KIAA1671: variants seen among roughly 807,000 people sequenced by gnomAD.
KIAA1671 encodes the protein KIAA1671.
A neutral mutation model predicts 131.2 loss-of-function variants in KIAA1671; 52 were observed. The observed-to-expected ratio is 0.40, with a 90% CI of 0.32 to 0.50. KIAA1671 has a LOEUF of 0.50. Ranked by LOEUF, KIAA1671 falls within the 20% of genes least tolerant of loss-of-function variation. The pLI is 0.73. For missense variants in KIAA1671, 2,360 were observed against 2,364.2 expected (o/e 1.00, Z 0.04); for synonymous variants, 1,003 against 961.6 (o/e 1.04, Z -0.80).
At chr22:25,097,300 T>A (rs1409699587) in intron 6 of KIAA1671, among the ~76,000 whole-genome samples, 3 of 152,128 alleles carry the variant, frequency 2.0e-5, no homozygotes, top group Admixed American at 6.5e-5. Flanking sequence ...TGTTGTTTCA[T>A]CAGTAGAGAT....
At chr22:25,094,063 G>C (rs1930283368) in intron 6 of KIAA1671, among the ~76,000 whole-genome samples, 1 of 152,008 alleles carries the variant, frequency 6.6e-6, no homozygotes, top group East Asian at 1.9e-4. Flanking sequence ...AAACACGAAG[G>C]CTGCTCCCAA....
rs890428987 is a variant in KIAA1671 at position 25,029,517 on chromosome 22, G to A, written c.1518G>A (p.Pro506=). ...GGAGGAGGACGTTCCAGGCTCGGCC[G>A]CTGTCGGCGGATTTGACCAAATTGT... is the stretch of plus-strand genomic sequence containing the variant. The part of the protein sequence containing the change: ...EVRRRTFQAR[P]LSADLTKLFS... The change falls in exon 3 of 13, where the codon CCG becomes CCA. Residue 506 remains proline (P), a synonymous_variant. Transcript: ENST00000358431. 7.2e-5 allele frequency: 111 copies of A among 1,544,810 alleles called. No individual in the cohort carries two copies. Among genetic ancestry groups the A allele is most frequent in the Non-Finnish European group, 9.0e-5 (103 of 1,143,692 alleles).
At chr22:25,003,746 G>A (rs1003832715) in intron 1 of KIAA1671, among the ~76,000 whole-genome samples, 2 of 151,430 alleles carry the variant, frequency 1.3e-5, no homozygotes, top group South Asian at 2.1e-4. Context: ...ATTTTCACAT[G>A]TGTTTCTCTA....
chr22:25,086,255 G>A (rs1035794630), intron 6 of KIAA1671, among the ~76,000 whole-genome samples: 1 of 152,190 alleles, frequency 6.6e-6, no homozygotes, highest in Admixed American at 6.5e-5. Flanking sequence ...CCTAGCTTAA[G>A]GTCTTGCACA....
intron 1 of KIAA1671, among the ~76,000 whole-genome samples, chr22:24,957,902 TCTCGAC>T (rs538830511): frequency 1.9e-3 from 280 of 150,790 alleles, no homozygotes; most frequent in African/African-American, 6.7e-3. Context: ...GGTCTCGAAC[TCTCGAC>T]CTCATGTGAT....
chr22:25,168,411 T>C (rs1933720028), intron 6 of KIAA1671, among the ~76,000 whole-genome samples: 1 of 152,140 alleles, frequency 6.6e-6, no homozygotes, highest in Admixed American at 6.6e-5. Flanking sequence ...TCATCCAGGG[T>C]ATACAGTGGT....
intron 6 of KIAA1671, chr22:25,112,683 C>A (rs916121972): frequency 6.5e-6 from 2 of 309,914 alleles, no homozygotes; most frequent in East Asian, 1.0e-4. Context: ...TTGCTGGAGT[C>A]GACGTCTGTG....
chr22:25,131,183 TGAG>T (rs1932425035), intron 6 of KIAA1671, among the ~76,000 whole-genome samples: 1 of 152,064 alleles, frequency 6.6e-6, no homozygotes, highest in African/African-American at 2.4e-5. Context: ...CATGCAGTGA[TGAG>T]GAGGGTGCCA....
chr22:25,123,019 C>T (rs977438448), intron 6 of KIAA1671, among the ~76,000 whole-genome samples: 2 of 151,832 alleles, frequency 1.3e-5, no homozygotes, highest in African/African-American at 4.8e-5. Flanking sequence ...CCATTGTTAT[C>T]TGATCAGAGC....
At chr22:25,131,000 C>T (rs566002516) in intron 6 of KIAA1671, among the ~76,000 whole-genome samples, 4 of 152,146 alleles carry the variant, frequency 2.6e-5, no homozygotes, top group South Asian at 2.1e-4. Context: ...TTCTAAAGCT[C>T]AAAAATGGAA....
chr22:25,082,056 G>T (rs5760832), intron 6 of KIAA1671, among the ~76,000 whole-genome samples: 1 of 151,874 alleles, frequency 6.6e-6, no homozygotes, highest in Non-Finnish European at 1.5e-5. Context: ...CCCTCTACCC[G>T]CACTGTTTGC....
intron 6 of KIAA1671, among the ~76,000 whole-genome samples, chr22:25,103,657 C>CT (rs907097599): frequency 4.6e-5 from 7 of 151,920 alleles, no homozygotes; most frequent in African/African-American, 1.2e-4. Flanking sequence ...TGCACCTGGC[C>CT]TTTTTTTTGT....
Position 25,061,598 on chromosome 22 carries a change from T to G in KIAA1671, c.4530+12234T>G, listed in dbSNP as rs1323227516. On this transcript the variant is annotated intron_variant, in intron 6 of 12. Coordinates refer to ENST00000358431, the MANE Select transcript of KIAA1671 (RefSeq NM_001145206.2). ...ACTGCCATCCTGTGAGGGAGGAAATTATCATGATTGTTGTTGTTATTCTCA... is the reference window on the plus strand; with the variant it reads ...ACTGCCATCCTGTGAGGGAGGAAATGATCATGATTGTTGTTGTTATTCTCA... 2.0e-5 allele frequency: 3 copies of G among 152,226 alleles called. No homozygotes were observed. The East Asian group carries it at 5.8e-4, about 29-fold the overall frequency. The allele number at this position is 152,226 out of a possible 1,614,324, so 9.4% of individuals were successfully genotyped here. A position where few individuals can be genotyped will look rare whatever the true frequency, so the allele number is the denominator to read the frequency against.
intron 6 of KIAA1671, among the ~76,000 whole-genome samples, chr22:25,093,800 C>CTCTCTCTGTCTCTCTCTCTT (rs1930223545): frequency 3.0e-5 from 4 of 131,718 alleles, no homozygotes; most frequent in Non-Finnish European, 3.3e-5. Context: ...CTCTCTCTCT[C>CTCTCTCTGTCTCTCTCTCTT]TCTCTCTCTC....
At chr22:25,181,974 G>A (rs1205283046) in intron 10 of KIAA1671, among the ~76,000 whole-genome samples, 151 bp downstream of exon 10, 3 of 152,144 alleles carry the variant, frequency 2.0e-5, no homozygotes, top group Admixed American at 6.5e-5. Flanking sequence ...TCAGGAGATC[G>A]AGACCATCCT....
chr22:25,007,228 C>G (rs1001597421), intron 1 of KIAA1671, among the ~76,000 whole-genome samples: 1 of 152,168 alleles, frequency 6.6e-6, no homozygotes, highest in South Asian at 2.1e-4. Flanking sequence ...TGGCTCACGT[C>G]TGTAATCCCA....
At chr22:25,173,255 A>G (rs1483133800) in intron 7 of KIAA1671, among the ~76,000 whole-genome samples, 1 of 152,012 alleles carries the variant, frequency 6.6e-6, no homozygotes, top group African/African-American at 2.4e-5. Flanking sequence ...CTCCAATTCG[A>G]CATGAGATTT....
intron 1 of KIAA1671, among the ~76,000 whole-genome samples, chr22:25,005,722 G>C (rs765289253): frequency 6.6e-6 from 1 of 152,186 alleles, no homozygotes; most frequent in Non-Finnish European, 1.5e-5. Context: ...TCCTTCCCGT[G>C]GGGGAGTAAT....
chr22:25,191,961 A>G (rs1416957541), intron 12 of KIAA1671, among the ~76,000 whole-genome samples: 1 of 152,184 alleles, frequency 6.6e-6, no homozygotes, highest in Admixed American at 6.5e-5. Flanking sequence ...ACATATGTAT[A>G]TATATACATA....
Sources: allele counts gnomAD v4.1 joint callset (sites outside exome capture counted in the v4.1 genomes callset), GRCh38; gene constraint gnomAD v4.1.1; transcripts MANE v1.5; gene names NCBI Gene and HGNC (gene_info 2026-07-23, HGNC 2026-07-21).